Variants in MICU1 observed in about 807,000 individuals in gnomAD.
MICU1 encodes the protein calcium uptake protein 1, mitochondrial.
MICU1 carries 45 observed loss-of-function variants against 56.8 expected under a neutral mutation model. That is an observed-to-expected ratio of 0.79 (90% CI 0.62 to 1.02). The LOEUF is 1.02. Ranked by LOEUF, MICU1 falls within the 50% of genes least tolerant of loss-of-function variation. MICU1 has a pLI of 0.00. For synonymous variants in MICU1, 186 were observed against 195.1 expected (o/e 0.95, Z 0.39); for missense variants, 504 against 587.1 (o/e 0.86, Z 1.46).
intron 1 of MICU1, among the ~76,000 whole-genome samples, chr10:72,599,841 C>A (rs1209735253): frequency 6.6e-6 from 1 of 152,186 alleles, no homozygotes; most frequent in Non-Finnish European, 1.5e-5. Context: ...CTCAAAGTGA[C>A]AATACCCTGG....
intron 6 of MICU1, among the ~76,000 whole-genome samples, chr10:72,491,959 G>A (rs1301840853): frequency 6.6e-6 from 1 of 152,052 alleles, no homozygotes; most frequent in Non-Finnish European, 1.5e-5. Flanking sequence ...AACCATTAGA[G>A]GGCTTAATAA....
In MICU1 at chr10:72,475,286, G is replaced by A; in HGVS notation, c.747C>T (p.Ile249=). ...TACCCATACTGGTTTGGGAGCGAAT[G>A]ATGCTCTGAACCTAATACAGAATCA... ...DMEEFEQVQS[I]IRSQTSMGMR... Residue 249 remains isoleucine (I), a synonymous_variant, in exon 8 of 12, where the codon ATC becomes ATT. Transcript: ENST00000361114. 2.5e-6 allele frequency: 4 copies of A among 1,603,460 alleles called. No homozygotes were observed. Among genetic ancestry groups the A allele is most frequent in the Non-Finnish European group, 3.4e-6 (4 of 1,174,414 alleles).
At chr10:72,416,347 T>G (rs1448549554) in intron 9 of MICU1, among the ~76,000 whole-genome samples, 1 of 152,182 alleles carries the variant, frequency 6.6e-6, no homozygotes, top group Non-Finnish European at 1.5e-5. Context: ...CTTTTTAGTT[T>G]TATGGCCACA....
intron 1 of MICU1, among the ~76,000 whole-genome samples, chr10:72,597,782 T>C (rs745428426): frequency 1.3e-5 from 2 of 152,174 alleles, no homozygotes; most frequent in Non-Finnish European, 1.5e-5. Context: ...AAAAGATATA[T>C]TGCAGCTGAA....
At chr10:72,418,017 T>C (rs949790555) in intron 9 of MICU1, among the ~76,000 whole-genome samples, 1 of 152,150 alleles carries the variant, frequency 6.6e-6, no homozygotes. Flanking sequence ...CTTCTTCGCA[T>C]GGCAGCAGGA....
chr10:72,490,444 G>A (rs533555780), intron 6 of MICU1, among the ~76,000 whole-genome samples: 8 of 152,272 alleles, frequency 5.3e-5, no homozygotes, highest in African/African-American at 1.9e-4. Flanking sequence ...CAAAAAGTTC[G>A]CACTGTAGAT....
At chr10:72,516,176 T>A (rs1417113244) in intron 5 of MICU1, among the ~76,000 whole-genome samples, 1 of 152,226 alleles carries the variant, frequency 6.6e-6, no homozygotes, top group Non-Finnish European at 1.5e-5. Flanking sequence ...GATTTGCATT[T>A]CTCTAATGAC....
At chr10:72,441,174 G>A (rs1864912287) in intron 8 of MICU1, among the ~76,000 whole-genome samples, 1 of 152,092 alleles carries the variant, frequency 6.6e-6, no homozygotes, top group South Asian at 2.1e-4. Flanking sequence ...TGATAGACTG[G>A]ATTAAGAAAA....
chr10:72,424,121 C>A (rs1013492684), intron 8 of MICU1, among the ~76,000 whole-genome samples: 9 of 52,362 alleles, frequency 1.7e-4, no homozygotes, highest in African/African-American at 3.0e-4. Flanking sequence ...TTCCCCCCCA[C>A]CTTTTTTTTT....
chr10:72,564,315 T>C (rs1285314679), intron 2 of MICU1, among the ~76,000 whole-genome samples: 2 of 151,608 alleles, frequency 1.3e-5, no homozygotes, highest in African/African-American at 2.4e-5. Flanking sequence ...CCGAGGTGGG[T>C]GGATCACTTG....
At chr10:72,551,096 G>C in intron 4 of MICU1, 83 bp downstream of exon 4, 1 of 1,309,854 alleles carries the variant, frequency 7.6e-7, no homozygotes, top group Non-Finnish European at 1.0e-6. Flanking sequence ...GGACCTGTAA[G>C]ATTTCAGTAC....
intron 2 of MICU1, among the ~76,000 whole-genome samples, chr10:72,566,011 T>C (rs111496386): frequency 6.6e-5 from 10 of 151,566 alleles, no homozygotes; most frequent in Non-Finnish European, 1.2e-4. Context: ...GGTCACCAAA[T>C]TGTGAAGTCT....
Position 72,375,775 on chromosome 10 carries a change from C to T in MICU1, c.1270+8G>A. 6.2e-7 allele frequency: 1 copy of T among 1,610,884 alleles called. No individual in the cohort carries two copies. The highest frequency in any genetic ancestry group is 1.1e-5 in the South Asian group (1 of 90,236). On this transcript the variant is annotated splice_region_variant and intron_variant, in intron 11 of 11. Transcript: ENST00000361114. Reference sequence around the variant, plus strand: ...TTTCCCCTCCGGGCTCCAGAGGGCCCCACTCACCATCACAGTCAAAGAGTG... The same window carrying T: ...TTTCCCCTCCGGGCTCCAGAGGGCCTCACTCACCATCACAGTCAAAGAGTG...
chr10:72,569,237 A>ATATATATAT, intron 1 of MICU1, among the ~76,000 whole-genome samples: 1 of 34,378 alleles, frequency 2.9e-5, no homozygotes, highest in East Asian at 6.9e-4. Flanking sequence ...ATATATATAT[A>ATATATATAT]TTTTTTTTTT....
chr10:72,541,129 G>C (rs1412349768), intron 4 of MICU1, among the ~76,000 whole-genome samples: 1 of 152,216 alleles, frequency 6.6e-6, no homozygotes, highest in Admixed American at 6.5e-5. Flanking sequence ...AGTCTCATAG[G>C]CTAGCTGTCC....
rs34154785 is a variant in MICU1 at position 72,429,419 on chromosome 10, C to CAAAA, written c.934-6052_934-6049dup. On this transcript the variant is annotated intron_variant, in intron 8 of 11. Transcript: ENST00000361114. ...TGGGTGACAGAGCGAGATCCTGCCT[C>CAAAA]AAAAAAAAAAAAAAAAGAAAAAAAA... Among the ~76,000 whole-genome samples, 331 of 113,284 alleles carry CAAAA rather than the reference C, an allele frequency of 2.9e-3. 5 individuals carry two copies. Among genetic ancestry groups the CAAAA allele is most frequent in the African/African-American group, 0.01 (303 of 30,272 alleles). 74.3% of individuals were successfully genotyped at this position (113,284 alleles called of 152,430 possible).
intron 10 of MICU1, 73 bp from the exon 11 acceptor site, chr10:72,375,945 AC>A (rs534072222): frequency 2.2e-6 from 3 of 1,336,472 alleles, no homozygotes; most frequent in Non-Finnish European, 3.1e-6. Context: ...AGGGGATAAA[AC>A]GACTCAGTCA....
intron 8 of MICU1, among the ~76,000 whole-genome samples, chr10:72,452,878 G>A (rs1426616944): frequency 6.6e-6 from 1 of 151,574 alleles, no homozygotes; most frequent in Non-Finnish European, 1.5e-5. Flanking sequence ...GCCCCGTCGA[G>A]TCCTCTGACA....
chr10:72,611,238 G>A (rs959460102), intron 1 of MICU1, among the ~76,000 whole-genome samples: 1 of 151,380 alleles, frequency 6.6e-6, no homozygotes, highest in Admixed American at 6.6e-5. Context: ...GAGAGGCGGA[G>A]TTTGCAGTGA....
Sources: allele counts gnomAD v4.1 joint callset (sites outside exome capture counted in the v4.1 genomes callset), GRCh38; gene constraint gnomAD v4.1.1; transcripts MANE v1.5; gene names NCBI Gene and HGNC (gene_info 2026-07-23, HGNC 2026-07-21).